The following CEP83 variants were observed in gnomAD, a reference collection of about 807,000 sequenced individuals.
CEP83 encodes centrosomal protein 83.
In CEP83, 70 loss-of-function variants were observed where a neutral mutation model predicts 101.9. That is an observed-to-expected ratio of 0.69 (90% CI 0.57 to 0.84). CEP83 has a LOEUF of 0.84. Ranked by LOEUF, CEP83 falls within the 40% of genes least tolerant of loss-of-function variation. The pLI is 0.00. For synonymous variants in CEP83, 264 were observed against 267.9 expected, an observed-to-expected ratio of 0.99 and a Z score of 0.14; for missense variants, 715 against 787.2, an observed-to-expected ratio of 0.91 and a Z score of 1.10.
intron 11 of CEP83, among the ~76,000 whole-genome samples, chr12:94,350,834 AAG>A (rs957171053): frequency 2.0e-5 from 3 of 152,192 alleles, no homozygotes; most frequent in African/African-American, 7.2e-5. Context: ...TTTTTCAAAA[AAG>A]ATGCATATTA....
chr12:94,389,373 T>A (rs1047307005), intron 6 of CEP83, among the ~76,000 whole-genome samples: 1 of 152,200 alleles, frequency 6.6e-6, no homozygotes, highest in African/African-American at 2.4e-5. Flanking sequence ...TACCATTAAT[T>A]AAGTATCTAC....
intron 6 of CEP83, among the ~76,000 whole-genome samples, chr12:94,392,775 A>G (rs2062633902): frequency 6.6e-6 from 1 of 152,126 alleles, no homozygotes; most frequent in African/African-American, 2.4e-5. Flanking sequence ...TAGATACAAT[A>G]AAAAATGATA....
chr12:94,435,992 T>C (rs571712195), intron 1 of CEP83, among the ~76,000 whole-genome samples: 1 of 151,664 alleles, frequency 6.6e-6, no homozygotes, highest in Non-Finnish European at 1.5e-5. Context: ...AACAATCACC[T>C]CAGTCTGGCT....
chr12:94,415,764 CTA>C (rs2064219584), intron 2 of CEP83, among the ~76,000 whole-genome samples: 1 of 152,028 alleles, frequency 6.6e-6, no homozygotes, highest in Non-Finnish European at 1.5e-5. Flanking sequence ...AATTTCACCA[CTA>C]TTCTTGGTAA....
At chr12:94,405,575 C>G (rs2063488018) in intron 4 of CEP83, among the ~76,000 whole-genome samples, 1 of 152,196 alleles carries the variant, frequency 6.6e-6, no homozygotes, top group Non-Finnish European at 1.5e-5. Context: ...AAGCCTTCCA[C>G]TTTCAGCCAA....
At chr12:94,318,041 T>C (rs1971015228) in intron 14 of CEP83, among the ~76,000 whole-genome samples, 1 of 152,220 alleles carries the variant, frequency 6.6e-6, no homozygotes, top group Admixed American at 6.5e-5. Context: ...ATATTGATTC[T>C]TCCTATCCAT....
downstream of CEP83, among the ~76,000 whole-genome samples, chr12:94,301,632 A>T (rs367909814): frequency 6.6e-6 from 1 of 152,192 alleles, no homozygotes; most frequent in Non-Finnish European, 1.5e-5. Context: ...GCTCCAAAAT[A>T]TACTAAACTG....
At chr12:94,434,240 C>A (rs929671891) in intron 2 of CEP83, among the ~76,000 whole-genome samples, 1 of 151,832 alleles carries the variant, frequency 6.6e-6, no homozygotes, top group African/African-American at 2.4e-5. Flanking sequence ...TTTATTTTTT[C>A]CTTTAATACA....
intron 2 of CEP83, among the ~76,000 whole-genome samples, chr12:94,427,152 A>T (rs989070527): frequency 2.0e-5 from 3 of 152,210 alleles, no homozygotes; most frequent in Non-Finnish European, 4.4e-5. Context: ...CTTTGATTTC[A>T]ATCAGTCAAT....
At chr12:94,367,278 A>C (rs1013026044) in intron 11 of CEP83, among the ~76,000 whole-genome samples, 3 of 152,154 alleles carry the variant, frequency 2.0e-5, no homozygotes, top group Non-Finnish European at 4.4e-5. Context: ...TAGGGGAAAA[A>C]TGTGGCAGAT....
At chr12:94,278,940 G>A in the CEP83 span, among the ~76,000 whole-genome samples, 3 of 152,072 alleles carry the variant, frequency 2.0e-5, no homozygotes, top group Non-Finnish European at 4.4e-5. Context: ...GGAGGTTGCA[G>A]TGAGCCAAGA....
At chr12:94,341,043 A>T (rs966796424) in intron 11 of CEP83, among the ~76,000 whole-genome samples, 3 of 152,250 alleles carry the variant, frequency 2.0e-5, no homozygotes, top group African/African-American at 7.2e-5. Context: ...TTGCTGTCAT[A>T]ACCAAAAGTT....
In CEP83 at chr12:94,359,985, T is replaced by C. The variant is rs1469757905; in HGVS notation, c.1343+7809A>G. Among the ~76,000 whole-genome samples the C allele has an allele frequency of 2.0e-5, 3 of 152,186 alleles. No homozygotes were observed. In the South Asian group the frequency reaches 6.2e-4, roughly 32 times the overall value. ...GCAAGGATGGTTCAATATATGCAAA[T>C]CAATAAATGTGATACATCGTATCAA... On this transcript the variant is annotated intron_variant, in intron 11 of 16. Coordinates refer to ENST00000397809, the MANE Select transcript of CEP83 (RefSeq NM_016122.3).
intron 4 of CEP83, among the ~76,000 whole-genome samples, chr12:94,407,663 C>G (rs1438210437): frequency 6.6e-6 from 1 of 152,140 alleles, no homozygotes; most frequent in African/African-American, 2.4e-5. Flanking sequence ...CAAATACACA[C>G]ATAATAAATT....
chr12:94,365,724 C>T (rs541132525), intron 11 of CEP83, among the ~76,000 whole-genome samples: 4 of 149,604 alleles, frequency 2.7e-5, no homozygotes, highest in African/African-American at 4.9e-5. Context: ...GAGCCAAGAT[C>T]GCCCCACTGC....
intron 4 of CEP83, among the ~76,000 whole-genome samples, chr12:94,408,402 C>G (rs554904667): frequency 5.1e-4 from 78 of 152,136 alleles, no homozygotes; most frequent in African/African-American, 1.8e-3. Flanking sequence ...AAATGGGAAC[C>G]TGTATACTAG....
At chr12:94,401,848 A>AC (rs1465496218) in intron 5 of CEP83, among the ~76,000 whole-genome samples, 4 of 152,168 alleles carry the variant, frequency 2.6e-5, no homozygotes, top group Non-Finnish European at 5.9e-5. Context: ...CTACTCCCAA[A>AC]CCATAATGGC....
At chr12:94,367,101 G>C (rs2061061334) in intron 11 of CEP83, among the ~76,000 whole-genome samples, 1 of 151,974 alleles carries the variant, frequency 6.6e-6, no homozygotes. Flanking sequence ...ATCACCATTT[G>C]GCAAATGCTA....
At chr12:94,417,260 G>A (rs1317919437) in intron 2 of CEP83, among the ~76,000 whole-genome samples, 2 of 152,084 alleles carry the variant, frequency 1.3e-5, no homozygotes, top group Admixed American at 6.5e-5. Context: ...AGGCTGCAGT[G>A]AGCTATGATT....
Sources: allele counts gnomAD v4.1 joint callset (sites outside exome capture counted in the v4.1 genomes callset), GRCh38; gene constraint gnomAD v4.1.1; transcripts MANE v1.5; gene names NCBI Gene and HGNC (gene_info 2026-07-23, HGNC 2026-07-21).